Variants in RNF182 observed in about 807,000 individuals in gnomAD.
The protein encoded by RNF182 is E3 ubiquitin-protein ligase RNF182.
A neutral mutation model predicts 14.4 loss-of-function variants in RNF182; 15 were observed. That is an observed-to-expected ratio of 1.04 (90% confidence interval 0.70 to 1.60). RNF182 has a LOEUF of 1.60. Ranked by LOEUF, RNF182 falls within the 40% of genes most tolerant of loss-of-function variation. RNF182 has a pLI of 0.00. For missense variants in RNF182, 268 were observed against 294.8 expected, an observed-to-expected ratio of 0.91 and a Z score of 0.67; for synonymous variants, 128 against 122.9, an observed-to-expected ratio of 1.04 and a Z score of -0.27.
intron 1 of RNF182, among the ~76,000 whole-genome samples, chr6:13,948,739 G>A (rs1004714977): frequency 2.6e-5 from 4 of 152,162 alleles, no homozygotes; most frequent in East Asian, 1.9e-4. Context: ...TCAGGTCACT[G>A]TAAGTCATTT....
In RNF182 at chr6:13,969,984, C is replaced by T. The variant is rs553301968; in HGVS notation, c.-366-4226C>T. 2.6e-5 allele frequency among the ~76,000 whole-genome samples: 4 copies of T among 152,120 alleles called. No individual in the cohort carries two copies. The South Asian group carries it at 6.2e-4, about 24-fold the overall frequency. On this transcript the variant is annotated intron_variant, in intron 1 of 2. Coordinates refer to ENST00000488300, the MANE Select transcript of RNF182 (RefSeq NM_152737.4). ...CACTTGTTCTTATCAAGGCATGCTA[C>T]AGATATGTCCATCCTAGAGATTCAT...
chr6:13,972,530 G>GA (rs1401154608), intron 1 of RNF182, among the ~76,000 whole-genome samples: 1 of 152,130 alleles, frequency 6.6e-6, no homozygotes, highest in Admixed American at 6.5e-5. Context: ...AGGGCTAAGA[G>GA]AAAAAATGGT....
intron 1 of RNF182, among the ~76,000 whole-genome samples, chr6:13,933,933 G>A (rs919184287): frequency 8.5e-5 from 13 of 152,052 alleles, no homozygotes; most frequent in African/African-American, 2.9e-4. Context: ...CAGGAGAATC[G>A]CTTGAACCTG....
Position 13,935,454 on chromosome 6 carries a change from G to C in RNF182, c.-367+10431G>C, listed in dbSNP as rs1585030844. On this transcript the variant is annotated intron_variant, in intron 1 of 2. Coordinates refer to ENST00000488300, the MANE Select transcript of RNF182 (RefSeq NM_152737.4). The stretch of plus-strand genomic sequence containing the variant: ...TATCATGACCAAATAAATTATTGTA[G>C]CTGGCAGGAAAGTATTCCTAAAGTC... Among the ~76,000 whole-genome samples the C allele has an allele frequency of 3.3e-5, 5 of 152,206 alleles. No individual in the cohort carries two copies. The South Asian group carries it at 1.0e-3, about 32-fold the overall frequency.
chr6:13,953,180 C>T (rs1759638742), intron 1 of RNF182, among the ~76,000 whole-genome samples: 1 of 152,156 alleles, frequency 6.6e-6, no homozygotes, highest in Admixed American at 6.5e-5. Context: ...AAAGCCTAGC[C>T]TCCTAGGAAT....
chr6:13,962,704 G>C (rs923199636), intron 1 of RNF182, among the ~76,000 whole-genome samples: 1 of 152,138 alleles, frequency 6.6e-6, no homozygotes, highest in African/African-American at 2.4e-5. Context: ...TTATTTTCCA[G>C]GATGGGAGGA....
intron 1 of RNF182, among the ~76,000 whole-genome samples, chr6:13,955,125 T>C (rs1459405875): frequency 6.6e-6 from 1 of 152,206 alleles, no homozygotes; most frequent in Non-Finnish European, 1.5e-5. Flanking sequence ...TAAATAGTTT[T>C]GGCTTTGAGG....
intron 1 of RNF182, among the ~76,000 whole-genome samples, chr6:13,947,654 T>C: frequency 6.6e-6 from 1 of 152,178 alleles, no homozygotes; most frequent in Middle Eastern, 3.2e-3. Context: ...TATTTGGGGC[T>C]CCTGGGCCTG....
chr6:13,939,515 TA>T lies in RNF182; in HGVS notation c.-367+14493del, dbSNP rs796186450. On this transcript the variant is annotated intron_variant, in intron 1 of 2. Transcript: ENST00000488300. The stretch of plus-strand genomic sequence containing the variant: ...GTGTATATAAATACATTTTTGTTTT[TA>T]TTTTTTTATTTTGTATTTATTTTTA... 3.9e-5 allele frequency among the ~76,000 whole-genome samples: 6 copies of T among 151,958 alleles called. 1 individual carries two copies. Among genetic ancestry groups the T allele is most frequent in the African/African-American group, 9.6e-5 (4 of 41,550 alleles).
At chr6:13,938,796 T>C (rs1381365108) in intron 1 of RNF182, among the ~76,000 whole-genome samples, 1 of 152,208 alleles carries the variant, frequency 6.6e-6, no homozygotes, top group African/African-American at 2.4e-5. Flanking sequence ...TTTGTCCTTA[T>C]GATGTATTTG....
rs1760431271 is a variant in RNF182, at chr6:13,979,249, C to T, written c.*1386C>T. The T allele has an allele frequency of 6.0e-6, 1 of 166,016 alleles. No individual in the cohort carries two copies. The highest frequency in any genetic ancestry group is 2.1e-4 in the South Asian group (1 of 4,810). The allele number at this position is 166,016 out of a possible 1,614,324, so 10.3% of individuals were successfully genotyped here. ...TAAGAAGAATTTGTTTAGCAGATTA[C>T]AAGTTGGCAAAATAGACTGTTCACA... On this transcript the variant is annotated 3_prime_UTR_variant, in exon 3 of 3. Transcript: ENST00000488300.
chr6:13,933,330 A>G (rs1280314146), intron 1 of RNF182, among the ~76,000 whole-genome samples: 1 of 152,164 alleles, frequency 6.6e-6, no homozygotes, highest in Non-Finnish European at 1.5e-5. Context: ...AGCTTGGGCA[A>G]CATAGTGAGA....
chr6:13,971,023 C>T (rs1227878307), intron 1 of RNF182, among the ~76,000 whole-genome samples: 3 of 152,028 alleles, frequency 2.0e-5, no homozygotes, highest in African/African-American at 2.4e-5. Flanking sequence ...CTTGTAAGTA[C>T]CACCCCGGTC....
intron 1 of RNF182, among the ~76,000 whole-genome samples, chr6:13,963,036 A>G (rs913654722): frequency 3.3e-5 from 5 of 152,170 alleles, no homozygotes; most frequent in Non-Finnish European, 5.9e-5. Context: ...ATGTAATCTT[A>G]GGAAAGATAC....
chr6:13,929,655 G>A (rs62385919), intron 1 of RNF182, among the ~76,000 whole-genome samples: 2 of 152,168 alleles, frequency 1.3e-5, no homozygotes, highest in Non-Finnish European at 2.9e-5. Context: ...ACCCTTTGAA[G>A]TAGGTACTAT....
At chr6:13,926,137 ATAATC>A (rs1016914729) in intron 1 of RNF182, among the ~76,000 whole-genome samples, 1 of 152,228 alleles carries the variant, frequency 6.6e-6, no homozygotes, top group Non-Finnish European at 1.5e-5. Context: ...TAACTGGAAA[ATAATC>A]TAACATATAA....
chr6:13,943,711 G>A (rs1374866877), intron 1 of RNF182, among the ~76,000 whole-genome samples: 1 of 152,160 alleles, frequency 6.6e-6, no homozygotes, highest in African/African-American at 2.4e-5. Context: ...TAATGTTAAA[G>A]TTTTGCAGCC....
chr6:13,948,208 T>C (rs1274967236), intron 1 of RNF182, among the ~76,000 whole-genome samples: 1 of 152,166 alleles, frequency 6.6e-6, no homozygotes, highest in East Asian at 1.9e-4. Flanking sequence ...ATGGCATACA[T>C]TTCAAAGCTG....
chr6:13,979,037 C>G lies in RNF182; in HGVS notation c.*1174C>G, dbSNP rs1030303308. 2 of 166,942 alleles carry G rather than the reference C, an allele frequency of 1.2e-5. No individual in the cohort carries two copies. Among genetic ancestry groups the G allele is most frequent in the African/African-American group, 4.8e-5 (2 of 41,398 alleles). 10.3% of individuals were successfully genotyped at this position (166,942 alleles called of 1,614,324 possible). ...AAGCTGAAGCCCTGCTTGAAAAGAC[C>G]CTTCAAGGAAGTAAAATGGCAGGGG... On this transcript the variant is annotated 3_prime_UTR_variant, in exon 3 of 3. Transcript: ENST00000488300.
Sources: allele counts gnomAD v4.1 joint callset (sites outside exome capture counted in the v4.1 genomes callset), GRCh38; gene constraint gnomAD v4.1.1; transcripts MANE v1.5; gene names NCBI Gene and HGNC (gene_info 2026-07-23, HGNC 2026-07-21).